Variants in CDKL3 observed in about 807,000 individuals in gnomAD.
The protein encoded by CDKL3 is cyclin dependent kinase like 3.
CDKL3 carries 65 observed loss-of-function variants against 69.3 expected under a neutral mutation model. The ratio of observed to expected loss-of-function variants is 0.94; its 90% confidence interval spans 0.77 to 1.15. The LOEUF is 1.15. Among genes scored for constraint, CDKL3 ranks in the 50% most tolerant of loss-of-function variants. CDKL3 has a pLI of 0.00. For missense variants in CDKL3, 652 were observed against 689.2 expected (o/e 0.95, Z 0.61); for synonymous variants, 202 against 221.6 (o/e 0.91, Z 0.79).
chr5:134,307,479 C>T (rs772930721), intron 9 of CDKL3, among the ~76,000 whole-genome samples: 1 of 152,288 alleles, frequency 6.6e-6, no homozygotes, highest in Non-Finnish European at 1.5e-5. Flanking sequence ...CTGGGCTTCA[C>T]AACCTGTGGC....
At chr5:134,306,161 TCAA>T (rs1767771840) in intron 10 of CDKL3, among the ~76,000 whole-genome samples, 3 of 152,126 alleles carry the variant, frequency 2.0e-5, no homozygotes, top group Admixed American at 2.0e-4. Context: ...TGGCCTATTT[TCAA>T]CTCAGGAAGA....
chr5:134,329,866 C>T (rs556166950), intron 4 of CDKL3, among the ~76,000 whole-genome samples: 10 of 151,578 alleles, frequency 6.6e-5, no homozygotes, highest in South Asian at 6.3e-4. Context: ...TCTCATTAGC[C>T]GGGCATGGTG....
intron 12 of CDKL3, chr5:134,299,498 A>AT: frequency 1.6e-6 from 2 of 1,216,518 alleles, no homozygotes; most frequent in Non-Finnish European, 2.1e-6. Flanking sequence ...TCATGTTCAA[A>AT]TTAAGAAAAC....
chr5:134,346,808 T>C (rs952630582), intron 4 of CDKL3, among the ~76,000 whole-genome samples: 6 of 152,174 alleles, frequency 3.9e-5, no homozygotes, highest in African/African-American at 1.4e-4. Context: ...GAAAAGGTAT[T>C]ATCTTTTTGC....
chr5:134,332,618 AT>A (rs1776076744), intron 4 of CDKL3, among the ~76,000 whole-genome samples: 4 of 152,214 alleles, frequency 2.6e-5, no homozygotes, highest in Middle Eastern at 3.4e-3. Context: ...GTGTGCTGTC[AT>A]TTCTGAGGCC....
chr5:134,289,515 G>A (rs1431924151), intron 8 of CDKL3, among the ~76,000 whole-genome samples: 1 of 152,202 alleles, frequency 6.6e-6, no homozygotes, highest in African/African-American at 2.4e-5. Flanking sequence ...GTCTTGGTTT[G>A]AAATGTCCTG....
chr5:134,310,296 C>T (rs1769065134), intron 7 of CDKL3, among the ~76,000 whole-genome samples: 1 of 152,044 alleles, frequency 6.6e-6, no homozygotes, highest in Non-Finnish European at 1.5e-5. Context: ...CACCATTCTC[C>T]TGCCTCAACC....
At chr5:134,346,430 C>T (rs1751885748) in intron 4 of CDKL3, among the ~76,000 whole-genome samples, 1 of 152,182 alleles carries the variant, frequency 6.6e-6, no homozygotes, top group Non-Finnish European at 1.5e-5. Flanking sequence ...ACGCTTTTCT[C>T]TTGCTAACCT....
At chr5:134,345,262 G>A (rs1413484705) in intron 4 of CDKL3, among the ~76,000 whole-genome samples, 1 of 152,012 alleles carries the variant, frequency 6.6e-6, no homozygotes, top group Non-Finnish European at 1.5e-5. Context: ...ACTTCAGATG[G>A]ATGAACTGTA....
chr5:134,290,805 G>A (rs1387840558), intron 8 of CDKL3, among the ~76,000 whole-genome samples: 1 of 151,884 alleles, frequency 6.6e-6, no homozygotes, highest in Non-Finnish European at 1.5e-5. Flanking sequence ...CCAAAGTGTT[G>A]GGATTATAAG....
downstream of CDKL3, among the ~76,000 whole-genome samples, chr5:134,296,190 C>T (rs954823135): frequency 7.2e-5 from 11 of 152,188 alleles, no homozygotes; most frequent in Admixed American, 5.2e-4. Flanking sequence ...AGCCACCACA[C>T]CCAGCTGAGT....
intron 7 of CDKL3, 42 bp from the exon 8 acceptor site, chr5:134,308,769 T>G: frequency 6.7e-7 from 1 of 1,491,944 alleles, no homozygotes; most frequent in South Asian, 1.3e-5. Context: ...TTTTTATATA[T>G]GCAGATGGAG....
At chr5:134,367,506 T>C (rs1265413443), upstream of CDKL3, 1 of 619,456 alleles carries the variant, frequency 1.6e-6, no homozygotes, top group Non-Finnish European at 2.0e-6. Context: ...CCCGAGTAGC[T>C]GGGATTACAG....
Position 134,339,162 on chromosome 5 carries a change from A to C in CDKL3, c.539+11087T>G, listed in dbSNP as rs993584147. 1.1e-4 allele frequency among the ~76,000 whole-genome samples: 16 copies of C among 152,230 alleles called. No individual in the cohort carries two copies. The East Asian group carries it at 3.1e-3, about 29-fold the overall frequency. ...GGGTGACAGAGTGAGACTCTGTCTC[A>C]CAAAAAATAAATAAATAAATAAAAA... is the stretch of plus-strand genomic sequence containing the variant. On this transcript the variant is annotated intron_variant, in intron 4 of 12. Coordinates refer to ENST00000265334, the MANE Select transcript of CDKL3 (RefSeq NM_001113575.2).
At chr5:134,327,331 C>T (rs1472386307) in intron 4 of CDKL3, among the ~76,000 whole-genome samples, 1 of 152,218 alleles carries the variant, frequency 6.6e-6, no homozygotes, top group Non-Finnish European at 1.5e-5. Flanking sequence ...CTCTCCATAT[C>T]TCACTAAGTA....
intron 4 of CDKL3, among the ~76,000 whole-genome samples, chr5:134,349,713 A>G (rs1185391216): frequency 6.6e-6 from 1 of 152,214 alleles, no homozygotes; most frequent in African/African-American, 2.4e-5. Context: ...AGCTGTGTCC[A>G]TTCAGCCTGT....
At chr5:134,369,633 T>C (rs562181748), upstream of CDKL3, among the ~76,000 whole-genome samples, 10 of 152,106 alleles carry the variant, frequency 6.6e-5, no homozygotes, top group Admixed American at 5.2e-4. Flanking sequence ...CTCAGTGGCA[T>C]GATGATGGCT....
At chr5:134,347,254 G>A (rs886376601) in intron 4 of CDKL3, among the ~76,000 whole-genome samples, 4 of 151,294 alleles carry the variant, frequency 2.6e-5, no homozygotes, top group Admixed American at 1.3e-4. Flanking sequence ...AATGGTAAGT[G>A]CTAGCAAAGA....
chr5:134,306,630 T>C lies in CDKL3; in HGVS notation c.1437A>G (p.Gln479=), dbSNP rs1358889640. The change falls in exon 10 of 13, where the codon CAA becomes CAG. Residue 479 remains glutamine (Q), a synonymous_variant. Transcript: ENST00000265334. ...SIGQVMPNSR[Q]EDPGPIQSQM... The stretch of plus-strand genomic sequence containing the variant: ...TTACTTGAATAGGACCTGGATCCTC[T>C]TGCCTGCTATTAGGCATAACTTGTC... 6.3e-7 allele frequency: 1 copy of C among 1,596,304 alleles called. No individual in the cohort carries two copies. Among genetic ancestry groups the C allele is most frequent in the East Asian group, 2.3e-5 (1 of 44,018 alleles).
Sources: gnomAD v4.1 joint callset for allele counts (sites outside exome capture counted in the v4.1 genomes callset) on GRCh38, gnomAD v4.1.1 for gene constraint, MANE v1.5 for transcripts, NCBI Gene and HGNC (gene_info 2026-07-23, HGNC 2026-07-21) for gene names.